The following TBCK variants were observed in gnomAD, a reference collection of about 807,000 sequenced individuals.
TBCK encodes TBC1 domain containing kinase.
A neutral mutation model predicts 113.4 loss-of-function variants in TBCK; 99 were observed. The observed-to-expected ratio is 0.87, with a 90% CI of 0.74 to 1.03. The LOEUF is 1.03. TBCK is among the 50% of genes least tolerant of loss of function. The pLI, the probability that TBCK is intolerant of heterozygous loss-of-function variation, is 0.00. For synonymous variants in TBCK, 369 were observed against 370.8 expected (o/e 1.00, Z 0.05); for missense variants, 1,045 against 1,061.3 (o/e 0.98, Z 0.21).
upstream of TBCK, chr4:106,316,656 C>T: frequency 1.3e-6 from 2 of 1,512,772 alleles, no homozygotes; most frequent in South Asian, 1.2e-5. Flanking sequence ...TAGGGGTCTT[C>T]CTTCTCTAAC....
chr4:106,137,352 A>G (rs1237043000), intron 23 of TBCK, among the ~76,000 whole-genome samples: 3 of 140,438 alleles, frequency 2.1e-5, no homozygotes, highest in East Asian at 2.0e-4. Flanking sequence ...TTTTAGGGTA[A>G]TATTAATCAA....
intron 24 of TBCK, among the ~76,000 whole-genome samples, chr4:106,107,148 A>G (rs538524547): frequency 6.6e-6 from 1 of 152,300 alleles, no homozygotes; most frequent in African/African-American, 2.4e-5. Context: ...AAGTTCTTAG[A>G]GACCTACAAA....
At chr4:106,307,333 A>G (rs1249162062) in intron 2 of TBCK, among the ~76,000 whole-genome samples, 1 of 152,180 alleles carries the variant, frequency 6.6e-6, no homozygotes, top group Non-Finnish European at 1.5e-5. Context: ...TGTTACAAGG[A>G]TTAAGTTAAT....
intron 25 of TBCK, among the ~76,000 whole-genome samples, chr4:106,090,342 G>C (rs1394643679): frequency 1.3e-5 from 2 of 152,166 alleles, no homozygotes; most frequent in Non-Finnish European, 2.9e-5. Flanking sequence ...CAGGGAAGTG[G>C]GGTCCTGGGC....
chr4:106,089,792 C>T (rs1739992123), intron 25 of TBCK, among the ~76,000 whole-genome samples: 1 of 152,240 alleles, frequency 6.6e-6, no homozygotes, highest in Admixed American at 6.5e-5. Flanking sequence ...ACATGTCCTA[C>T]ATCCTGGGCA....
chr4:106,284,594 C>A lies in TBCK; in HGVS notation c.266+10500G>T, dbSNP rs547036153. ...AAAGGAATATGGCTCTACTGCCCAC[C>A]CTGCATTCACCTGCAAACTTAACAC... is the stretch of plus-strand genomic sequence containing the variant. On this transcript the variant is annotated intron_variant, in intron 3 of 25. Coordinates refer to ENST00000394708, the MANE Select transcript of TBCK (RefSeq NM_001163435.3). Among the ~76,000 whole-genome samples the A allele has an allele frequency of 9.2e-5, 14 of 152,172 alleles. No individual in the cohort carries two copies. The South Asian group carries it at 2.3e-3, about 25-fold the overall frequency.
intron 22 of TBCK, among the ~76,000 whole-genome samples, chr4:106,185,938 T>G (rs1038229807): frequency 6.6e-6 from 1 of 152,126 alleles, no homozygotes; most frequent in Non-Finnish European, 1.5e-5. Flanking sequence ...TGTGTCCATG[T>G]GCACTCAATG....
chr4:106,137,680 T>C lies in TBCK; in HGVS notation c.2236-21302A>G, dbSNP rs377294123. 1.7e-4 allele frequency among the ~76,000 whole-genome samples: 24 copies of C among 140,930 alleles called. 3 individuals are homozygous for C. The highest frequency in any genetic ancestry group is 4.9e-4 in the Admixed American group (7 of 14,230). The allele number at this position is 140,930 out of a possible 152,430, so 92.5% of individuals were successfully genotyped here. ...GTGGAGTTTGAAATAACTATCATACTCTGAAAGCTGCATAGTATAGCTCTC... is the reference window on the plus strand; with the variant it reads ...GTGGAGTTTGAAATAACTATCATACCCTGAAAGCTGCATAGTATAGCTCTC... On this transcript the variant is annotated intron_variant, in intron 23 of 25. Transcript: ENST00000394708.
chr4:106,073,435 A>G (rs1377285245), intron 25 of TBCK, among the ~76,000 whole-genome samples: 2 of 152,156 alleles, frequency 1.3e-5, no homozygotes, highest in Non-Finnish European at 1.5e-5. Flanking sequence ...AGGCTGAAGA[A>G]CAGCAAATAC....
In TBCK at chr4:106,095,544, G is replaced by A; in HGVS notation, c.2509C>T (p.Leu837Phe). Reference sequence around the variant, plus strand: ...ATGACCTTCCCTTTGAAGTTCTGGAGCATAGCAGTGTAAGGGCCCTGGGTA... The same window carrying A: ...ATGACCTTCCCTTTGAAGTTCTGGAACATAGCAGTGTAAGGGCCCTGGGTA... The part of the protein sequence containing the change: ...ELTQGPYTAM[L>F]QNFKGKVIVI... Residue 837 changes from leucine to phenylalanine, a missense_variant, in exon 25 of 26, where the codon CTC becomes TTC. Physicochemically the swap from Leu to Phe is conservative, Grantham distance 22. Transcript: ENST00000394708. The A allele has an allele frequency of 6.2e-7, 1 of 1,614,140 alleles. No individual in the cohort carries two copies. The highest frequency in any genetic ancestry group is 8.5e-7 in the Non-Finnish European group (1 of 1,179,998).
chr4:106,241,962 C>T (rs866598371), intron 12 of TBCK, among the ~76,000 whole-genome samples: 3 of 151,570 alleles, frequency 2.0e-5, no homozygotes, highest in Non-Finnish European at 2.9e-5. Context: ...AATATATTTC[C>T]ATGACATACA....
At chr4:106,315,779 A>T (rs1262782930) in intron 1 of TBCK, 152 bp downstream of exon 1, 1 of 152,356 alleles carries the variant, frequency 6.6e-6, no homozygotes, top group Admixed American at 6.5e-5. Context: ...GTAGCTAGGG[A>T]TGGAGACAGT....
chr4:106,266,407 T>G (rs1049738490), intron 3 of TBCK, among the ~76,000 whole-genome samples: 2 of 151,822 alleles, frequency 1.3e-5, no homozygotes, highest in African/African-American at 2.4e-5. Context: ...TACTTCAATA[T>G]AGATGTCTTT....
At chr4:106,305,741 C>T (rs868796232) in intron 2 of TBCK, among the ~76,000 whole-genome samples, 48 of 152,186 alleles carry the variant, frequency 3.2e-4, no homozygotes, top group African/African-American at 1.1e-3. Flanking sequence ...TCATAAAGAC[C>T]TTGCTGATAA....
At chr4:106,250,992 A>G (rs929156608) in intron 6 of TBCK, 1 of 162,402 alleles carries the variant, frequency 6.2e-6, no homozygotes, top group African/African-American at 2.4e-5. Flanking sequence ...GTATATTTTA[A>G]GATGCACACA....
At chr4:106,185,097 A>G (rs1276063151) in intron 22 of TBCK, among the ~76,000 whole-genome samples, 1 of 152,050 alleles carries the variant, frequency 6.6e-6, no homozygotes, top group Non-Finnish European at 1.5e-5. Context: ...GGCAAGTAGA[A>G]CCTTGTTCCA....
intron 23 of TBCK, among the ~76,000 whole-genome samples, chr4:106,169,764 A>T (rs1750777705): frequency 1.3e-5 from 2 of 152,214 alleles, no homozygotes; most frequent in South Asian, 4.1e-4. Flanking sequence ...ATAATGTACA[A>T]TCAGTGGGAG....
At chr4:106,174,600 TGAG>T (rs1266191169) in intron 22 of TBCK, among the ~76,000 whole-genome samples, 1 of 152,136 alleles carries the variant, frequency 6.6e-6, no homozygotes, top group Non-Finnish European at 1.5e-5. Context: ...GGTGGATCCC[TGAG>T]TAGTCCTTCA....
intron 24 of TBCK, among the ~76,000 whole-genome samples, chr4:106,097,396 A>ACTT (rs1265658873): frequency 6.6e-6 from 1 of 152,168 alleles, no homozygotes; most frequent in African/African-American, 2.4e-5. Context: ...TTGTCATGAA[A>ACTT]CTTATAGCAC....
Sources: gnomAD v4.1 joint callset for allele counts (sites outside exome capture counted in the v4.1 genomes callset) on GRCh38, gnomAD v4.1.1 for gene constraint, MANE v1.5 for transcripts, NCBI Gene and HGNC (gene_info 2026-07-23, HGNC 2026-07-21) for gene names.